The following DIP2C variants were observed in gnomAD, a reference collection of about 807,000 sequenced individuals.
DIP2C encodes DIP2 acetate--CoA ligase C (putative), also known as disco-interacting protein 2 homolog C.
DIP2C carries 33 observed loss-of-function variants against 192.4 expected under a neutral mutation model. That is an observed-to-expected ratio of 0.17 (90% CI 0.13 to 0.23). DIP2C has a LOEUF of 0.23. Ranked by LOEUF, DIP2C falls within the 10% of genes least tolerant of loss-of-function variation. The pLI is 1.00. For synonymous variants in DIP2C, 979 were observed against 864.1 expected (o/e 1.13, Z -2.33); for missense variants, 1,537 against 2,110.1 (o/e 0.73, Z 5.32).
intron 28 of DIP2C, among the ~76,000 whole-genome samples, chr10:344,008 G>A (rs1958288929): frequency 6.6e-6 from 1 of 152,120 alleles, no homozygotes; most frequent in Non-Finnish European, 1.5e-5. Flanking sequence ...GACTTCAGCA[G>A]AGAAACAGGA....
chr10:392,818 A>G (rs530916019), intron 10 of DIP2C, among the ~76,000 whole-genome samples: 1,895 of 117,224 alleles, frequency 0.016, 11 homozygotes, highest in Middle Eastern at 0.023. Context: ...CACTCAGCGC[A>G]CACACACACA....
intron 11 of DIP2C, 40 bp downstream of exon 11, chr10:390,700 G>C: frequency 6.3e-7 from 1 of 1,599,354 alleles, no homozygotes. Flanking sequence ...TTCTGACAAA[G>C]GACGTGGGCA....
chr10:671,535 CAG>C (rs1257932901), intron 1 of DIP2C, among the ~76,000 whole-genome samples: 7 of 112,560 alleles, frequency 6.2e-5, no homozygotes, highest in African/African-American at 2.6e-4. Context: ...ACGGAGGAAA[CAG>C]GCCACAGACG....
chr10:465,190 T>C (rs1272462246), intron 3 of DIP2C, among the ~76,000 whole-genome samples: 2 of 139,974 alleles, frequency 1.4e-5, no homozygotes, highest in African/African-American at 5.4e-5. Flanking sequence ...TTATCCACCA[T>C]GATCAAGTGG....
At chr10:376,031 A>G (rs1313741717) in intron 17 of DIP2C, among the ~76,000 whole-genome samples, 1 of 152,252 alleles carries the variant, frequency 6.6e-6, no homozygotes, top group Non-Finnish European at 1.5e-5. Flanking sequence ...ACACGCCTGC[A>G]GTCATGTAAC....
chr10:674,826 A>AGAGAGAGAGAGAGAGAGAGACC (rs1201758510), intron 1 of DIP2C, among the ~76,000 whole-genome samples: 6 of 144,726 alleles, frequency 4.1e-5, no homozygotes, highest in Admixed American at 1.4e-4. Flanking sequence ...AGAGAGAGAG[A>AGAGAGAGAGAGAGAGAGAGACC]GAGACCAACA....
intron 7 of DIP2C, among the ~76,000 whole-genome samples, chr10:415,535 T>C (rs1965570651): frequency 6.6e-6 from 1 of 152,270 alleles, no homozygotes; most frequent in South Asian, 2.1e-4. Context: ...AGACCTGACC[T>C]GGGTCACAGA....
intron 4 of DIP2C, among the ~76,000 whole-genome samples, chr10:424,880 TAGC>T (rs1174140328): frequency 6.6e-6 from 1 of 152,142 alleles, no homozygotes; most frequent in East Asian, 1.9e-4. Flanking sequence ...CTCAACATAA[TAGC>T]AGCAAACCAA....
At chr10:410,149 GTTA>G (rs1330472043) in intron 8 of DIP2C, among the ~76,000 whole-genome samples, 9 of 152,128 alleles carry the variant, frequency 5.9e-5, no homozygotes, top group Admixed American at 1.3e-4. Flanking sequence ...TTAGATTAGT[GTTA>G]TTATTATTTA....
At chr10:576,657 C>G (rs1036896063) in intron 1 of DIP2C, among the ~76,000 whole-genome samples, 1 of 152,208 alleles carries the variant, frequency 6.6e-6, no homozygotes, top group Non-Finnish European at 1.5e-5. Context: ...ACCTATAATC[C>G]CAGCACTTTA....
intron 3 of DIP2C, among the ~76,000 whole-genome samples, chr10:448,771 T>C (rs1247051569): frequency 5.8e-3 from 438 of 76,030 alleles, no homozygotes; most frequent in Middle Eastern, 0.013. Context: ...CACTCACCCC[T>C]GTCGATACTC....
At chr10:544,997 C>T (rs938705480) in intron 1 of DIP2C, among the ~76,000 whole-genome samples, 2 of 152,074 alleles carry the variant, frequency 1.3e-5, no homozygotes, top group African/African-American at 4.8e-5. Context: ...AACAGTTTCA[C>T]CTGGATTCTC....
intron 1 of DIP2C, among the ~76,000 whole-genome samples, chr10:677,736 A>G (rs1420669884): frequency 6.6e-6 from 1 of 152,244 alleles, no homozygotes; most frequent in Non-Finnish European, 1.5e-5. Context: ...AAATATTCAC[A>G]CAACTCGGAA....
Position 321,571 on chromosome 10 carries a change from T to TCGGGGGTG in DIP2C, c.3924+5427_3924+5434dup, listed in dbSNP as rs1209633246. Among the ~76,000 whole-genome samples, 41 of 120,132 alleles carry TCGGGGGTG rather than the reference T, an allele frequency of 3.4e-4. 1 individual carries two copies. The highest frequency in any genetic ancestry group is 7.9e-4 in the African/African-American group (23 of 29,154). The allele number at this position is 120,132 out of a possible 152,430, so 78.8% of individuals were successfully genotyped here. On this transcript the variant is annotated intron_variant, in intron 31 of 36. Coordinates refer to ENST00000280886, the MANE Select transcript of DIP2C (RefSeq NM_014974.3). The stretch of plus-strand genomic sequence containing the variant: ...AGACCGGCGCTGTTAGAACAGTCAG[T>TCGGGGGTG]CGGGGGTGCGGGGCTCCAGCGAGAG...
chr10:378,487 G>A (rs1439913580), intron 17 of DIP2C, among the ~76,000 whole-genome samples: 1 of 152,182 alleles, frequency 6.6e-6, no homozygotes. Flanking sequence ...ATGCATACAT[G>A]TGAACACAGA....
chr10:626,431 TGTTACCCTCCGTCCCCCCGTCCCCGGA>T lies in DIP2C; in HGVS notation c.85+63036_85+63062del, dbSNP rs1368918842. 7.3e-4 allele frequency among the ~76,000 whole-genome samples: 98 copies of T among 134,364 alleles called. 1 individual carries two copies. The Middle Eastern group carries it at 0.011, about 15-fold the overall frequency. The allele number at this position is 134,364 out of a possible 152,430, so 88.1% of individuals were successfully genotyped here. A position where few individuals can be genotyped will look rare whatever the true frequency, so the allele number is the denominator to read the frequency against. ...GTTACCCTCCATCCCCCATCCTCGG[TGTTACCCTCCGTCCCCCCGTCCCCGGA>T]GTTACCCTCCGTCCCCCGTCCCCGG... On this transcript the variant is annotated intron_variant, in intron 1 of 36. Transcript: ENST00000280886.
intron 1 of DIP2C, among the ~76,000 whole-genome samples, chr10:619,539 C>CCTCCCACCCAGCTCCTCA (rs1853720442): frequency 2.4e-5 from 3 of 123,530 alleles, no homozygotes; most frequent in Non-Finnish European, 3.4e-5. Flanking sequence ...GCCCGCCCGC[C>CCTCCCACCCAGCTCCTCA]CGCCCTCCCA....
chr10:531,405 A>G (rs1343402736), intron 1 of DIP2C, among the ~76,000 whole-genome samples: 1 of 152,016 alleles, frequency 6.6e-6, no homozygotes, highest in Non-Finnish European at 1.5e-5. Context: ...CACATTTCCC[A>G]AAGTAGACTG....
At chr10:581,259 G>A (rs565741864) in intron 1 of DIP2C, among the ~76,000 whole-genome samples, 2 of 152,266 alleles carry the variant, frequency 1.3e-5, no homozygotes, top group Admixed American at 1.3e-4. Context: ...AACAGCCCAT[G>A]TGTTTGTATG....
Sources: allele counts gnomAD v4.1 joint callset (sites outside exome capture counted in the v4.1 genomes callset), GRCh38; gene constraint gnomAD v4.1.1; transcripts MANE v1.5; gene names NCBI Gene and HGNC (gene_info 2026-07-23, HGNC 2026-07-21).